Variants in OGDHL observed in about 807,000 individuals in gnomAD.
OGDHL encodes the protein 2-oxoglutarate dehydrogenase-like, mitochondrial.
A neutral mutation model predicts 109.6 loss-of-function variants in OGDHL; 79 were observed. The ratio of observed to expected loss-of-function variants is 0.72; its 90% CI spans 0.60 to 0.87. OGDHL has a LOEUF of 0.87. Ranked by LOEUF, OGDHL falls within the 40% of genes least tolerant of loss-of-function variation. The pLI is 0.00. For missense variants in OGDHL, 1,275 were observed against 1,362.2 expected (o/e 0.94, Z 1.01); for synonymous variants, 528 against 537.2 (o/e 0.98, Z 0.24).
chr10:49,746,900 G>A, intron 9 of OGDHL, 22 bp from the exon 10 acceptor site: 1 of 1,613,918 alleles, frequency 6.2e-7, no homozygotes, highest in Non-Finnish European at 8.5e-7. Flanking sequence ...GTGTGAGCCA[G>A]GAGGGGCTGC....
At chr10:49,745,638 T>C in intron 11 of OGDHL, 142 bp from the exon 12 acceptor site, 1 of 1,310,084 alleles carries the variant, frequency 7.6e-7, no homozygotes. Context: ...CGAATGAATG[T>C]CCCGTCCCAG....
chr10:49,738,422 A>C, intron 17 of OGDHL, 160 bp from the exon 18 acceptor site: 1 of 681,040 alleles, frequency 1.5e-6, no homozygotes, highest in Non-Finnish European at 2.5e-6. Flanking sequence ...AATGTGGAAC[A>C]AGAGCAGAAT....
At chr10:49,737,276 C>T (rs1412279157) in intron 20 of OGDHL, among the ~76,000 whole-genome samples, 2 of 152,152 alleles carry the variant, frequency 1.3e-5, no homozygotes, top group Admixed American at 1.3e-4. Flanking sequence ...CCTCCCTCTA[C>T]TGCCCAGGAC....
chr10:49,757,045 G>A, intron 2 of OGDHL, 99 bp from the exon 3 acceptor site: 1 of 1,230,668 alleles, frequency 8.1e-7, no homozygotes, highest in Non-Finnish European at 1.1e-6. Flanking sequence ...TCTTCCTTGA[G>A]GACCACAGCT....
chr10:49,743,988 C>T lies in OGDHL; in HGVS notation c.1861+6G>A, dbSNP rs757298429. On this transcript the variant is annotated splice_donor_region_variant and intron_variant, in intron 14 of 22. Coordinates refer to ENST00000374103, the MANE Select transcript of OGDHL (RefSeq NM_018245.3). The stretch of plus-strand genomic sequence containing the variant: ...GCCTGGGCTGCAGCCTGTCCAGCAA[C>T]CTCACCAGTGTGGATCTTAAAGTCC... The T allele has an allele frequency of 4.3e-5, 70 of 1,611,910 alleles. No homozygotes were observed. Among genetic ancestry groups the T allele is most frequent in the Non-Finnish European group, 5.3e-5 (62 of 1,178,456 alleles).
intron 13 of OGDHL, 96 bp downstream of exon 13, chr10:49,744,554 A>G: frequency 1.1e-6 from 1 of 950,144 alleles, no homozygotes; most frequent in Non-Finnish European, 1.7e-6. Context: ...TAGACTAGGC[A>G]ATGACAGCTG....
intron 1 of OGDHL, among the ~76,000 whole-genome samples, chr10:49,761,410 G>C (rs1489128369): frequency 6.6e-6 from 1 of 152,252 alleles, no homozygotes; most frequent in Non-Finnish European, 1.5e-5. Flanking sequence ...TCAGTAAACA[G>C]AGGCCGGGAA....
chr10:49,738,537 T>C lies in OGDHL; in HGVS notation c.2320-275A>G, dbSNP rs1841394622. On this transcript the variant is annotated intron_variant, in intron 17 of 22. Coordinates refer to ENST00000374103, the MANE Select transcript of OGDHL (RefSeq NM_018245.3). ...GCACTGAGACGTGCTTTCTCTGGAA[T>C]GTCCTGGAACAGTGGCTGCCACTGA... is the stretch of plus-strand genomic sequence containing the variant. 3 of 497,564 alleles carry C rather than the reference T, an allele frequency of 6.0e-6. No individual in the cohort carries two copies. The South Asian group carries it at 6.4e-5, about 11-fold the overall frequency. 30.8% of individuals were successfully genotyped at this position (497,564 alleles called of 1,614,324 possible).
At chr10:49,735,471 C>A (rs1841089010) in intron 22 of OGDHL, 120 bp from the exon 23 acceptor site, 3 of 1,239,166 alleles carry the variant, frequency 2.4e-6, no homozygotes. Context: ...AGCCATAGAC[C>A]CTGCCTTTTG....
intron 5 of OGDHL, 37 bp from the exon 6 acceptor site, chr10:49,752,018 A>C: frequency 6.2e-7 from 1 of 1,613,300 alleles, no homozygotes; most frequent in East Asian, 2.2e-5. Flanking sequence ...AGGAGCGGGG[A>C]AGAGGGACGG....
chr10:49,751,187 C>A (rs924850332), intron 6 of OGDHL, among the ~76,000 whole-genome samples: 15 of 152,050 alleles, frequency 9.9e-5, no homozygotes, highest in African/African-American at 3.4e-4. Context: ...TTAGGGGAGG[C>A]TAGGCATCTT....
Position 49,742,840 on chromosome 10 carries a change from CT to C in OGDHL, c.1999del (p.Arg667GlyfsTer24). On this transcript the variant is annotated frameshift_variant, in exon 15 of 23. Coordinates refer to ENST00000374103, the MANE Select transcript of OGDHL (RefSeq NM_018245.3). LOFTEE classifies it high-confidence loss of function. Reference sequence around the variant, plus strand: ...CCACTGCGCTCACCTGAATGTGCCCCTCTCCACATCCTGCCCGCTGAGCCGC... The same window carrying C: ...CCACTGCGCTCACCTGAATGTGCCCCCTCCACATCCTGCCCGCTGAGCCGC... ...HVRLSGQDVE[R>X]GTFSHRHHVL... 1 of 1,613,116 alleles carries C rather than the reference CT, an allele frequency of 6.2e-7. No homozygotes were observed. Among genetic ancestry groups the C allele is most frequent in the Non-Finnish European group, 8.5e-7 (1 of 1,179,780 alleles).
Position 49,736,033 on chromosome 10 carries a change from G to A in OGDHL, c.2899C>T (p.Arg967Trp), listed in dbSNP as rs766683332. ...GGCCCCACCATGTACCATATGGGCC[G>A]TGCGCGCCTCAGGATGGTCATGAAG... ...PRFMTILRRA[R>W]PIWYVGRDPA... The change falls in exon 22 of 23, where the codon CGG (arginine) becomes TGG (tryptophan). Residue 967 changes from arginine to tryptophan, a missense_variant. Transcript: ENST00000374103. 9.5e-6 allele frequency: 15 copies of A among 1,585,522 alleles called. No individual in the cohort carries two copies. In the East Asian group the frequency reaches 1.1e-4, roughly 12 times the overall value.
In OGDHL at chr10:49,736,454, C is replaced by T. The variant is rs202167624; in HGVS notation, c.2657G>A (p.Arg886Gln). The stretch of plus-strand genomic sequence containing the variant: ...CACCTTTCCCGTGCAGAAGATGAGC[C>T]GCTGCACCTGCTCAGGGGCCCGTGC... ...AAARAPEQVQ[R>Q]LIFCTGKVYY... Residue 886 changes from arginine (R) to glutamine (Q), a missense_variant, in exon 21 of 23, where the codon CGG becomes CAG. Transcript: ENST00000374103. 1.5e-5 allele frequency: 24 copies of T among 1,614,034 alleles called. No homozygotes were observed. In the East Asian group the frequency reaches 2.2e-4, roughly 15 times the overall value.
At chr10:49,748,314 C>G in intron 8 of OGDHL, among the ~76,000 whole-genome samples, 1 of 152,200 alleles carries the variant, frequency 6.6e-6, no homozygotes, top group Non-Finnish European at 1.5e-5. Context: ...CCCGGTGTCA[C>G]GGCTATGCCC....
Position 49,736,387 on chromosome 10 carries a change from C to T in OGDHL, c.2724G>A (p.Glu908=). The T allele has an allele frequency of 6.2e-7, 1 of 1,614,180 alleles. No homozygotes were observed. ...LVKERSSQDL[E]EKVAITRLEQ... ...CCAGGCGCGTGATGGCCACTTTCTCCTCCAGGTCCTGGCTGCTCCGCTCCT... is the reference window on the plus strand; with the variant it reads ...CCAGGCGCGTGATGGCCACTTTCTCTTCCAGGTCCTGGCTGCTCCGCTCCT... The change falls in exon 21 of 23, where the codon GAG becomes GAA. Residue 908 remains glutamate, a synonymous_variant. Coordinates refer to ENST00000374103, the MANE Select transcript of OGDHL (RefSeq NM_018245.3).
intron 14 of OGDHL, 163 bp downstream of exon 14, chr10:49,743,831 A>G: frequency 1.3e-6 from 1 of 788,190 alleles, no homozygotes; most frequent in East Asian, 3.0e-5. Context: ...GAAAAGAGCT[A>G]CTGTCACGGG....
chr10:49,742,395 C>CACACACCATACACACAT (rs1841805778), intron 15 of OGDHL, among the ~76,000 whole-genome samples: 1 of 55,232 alleles, frequency 1.8e-5, no homozygotes, highest in African/African-American at 3.7e-5. Context: ...CACACCCCCA[C>CACACACCATACACACAT]ACACACCACA....
intron 3 of OGDHL, among the ~76,000 whole-genome samples, chr10:49,755,252 AAAAG>A (rs1251042275): frequency 6.6e-6 from 1 of 152,222 alleles, no homozygotes; most frequent in African/African-American, 2.4e-5. Flanking sequence ...TAAAAAGAAA[AAAAG>A]AAAGCACAGG....
Sources: gnomAD v4.1 joint callset for allele counts (sites outside exome capture counted in the v4.1 genomes callset) on GRCh38, gnomAD v4.1.1 for gene constraint, MANE v1.5 for transcripts, NCBI Gene and HGNC (gene_info 2026-07-23, HGNC 2026-07-21) for gene names.